Variants in DSCAM observed in about 807,000 individuals in gnomAD.
The protein encoded by DSCAM is DS cell adhesion molecule, also known as cell adhesion molecule DSCAM.
A neutral mutation model predicts 217.7 loss-of-function variants in DSCAM; 47 were observed. That is an observed-to-expected ratio of 0.22 (90% CI 0.17 to 0.28). DSCAM has a LOEUF of 0.28. Ranked by LOEUF, DSCAM falls within the 10% of genes least tolerant of loss-of-function variation. DSCAM has a pLI of 1.00. For synonymous variants in DSCAM, 1,056 were observed against 1,015.3 expected, an observed-to-expected ratio of 1.04 and a Z score of -0.76; for missense variants, 2,080 against 2,618.3, an observed-to-expected ratio of 0.79 and a Z score of 4.49.
At chr21:40,707,857 A>G (rs2090734515) in intron 2 of DSCAM, among the ~76,000 whole-genome samples, 1 of 152,174 alleles carries the variant, frequency 6.6e-6, no homozygotes, top group Non-Finnish European at 1.5e-5. Flanking sequence ...ACTTGTAGCA[A>G]TGGTGATTAA....
intron 4 of DSCAM, 77 bp from the exon 5 acceptor site, chr21:40,353,820 A>G (rs1025641049): frequency 2.3e-6 from 3 of 1,285,262 alleles, no homozygotes; most frequent in Non-Finnish European, 3.1e-6. Flanking sequence ...GACTTCATGT[A>G]TAACTTAAAT....
At chr21:40,416,724 C>T (rs1022231552) in intron 3 of DSCAM, among the ~76,000 whole-genome samples, 8 of 151,714 alleles carry the variant, frequency 5.3e-5, no homozygotes, top group Non-Finnish European at 1.0e-4. Context: ...ATAATAAAAA[C>T]TTTAATAAAA....
Position 40,625,246 on chromosome 21 carries a change from G to A in DSCAM, c.508+67564C>T, listed in dbSNP as rs2089584834. 2.0e-5 allele frequency among the ~76,000 whole-genome samples: 3 copies of A among 151,968 alleles called. No homozygotes were observed. In the South Asian group the frequency reaches 6.2e-4, roughly 32 times the overall value. ...AGTAAGAAACCACAGAGATATACAT[G>A]GAGACTAACTGTCCACATTTTCCAA... On this transcript the variant is annotated intron_variant, in intron 3 of 32. Coordinates refer to ENST00000400454, the MANE Select transcript of DSCAM (RefSeq NM_001389.5).
chr21:40,554,203 T>G (rs563375971), intron 3 of DSCAM, among the ~76,000 whole-genome samples: 16 of 151,982 alleles, frequency 1.1e-4, no homozygotes, highest in Admixed American at 2.6e-4. Flanking sequence ...TTAGTTTTTT[T>G]TTTTTTTTTT....
intron 1 of DSCAM, among the ~76,000 whole-genome samples, chr21:40,805,889 T>C (rs1271898988): frequency 6.6e-6 from 1 of 152,014 alleles, no homozygotes; most frequent in Non-Finnish European, 1.5e-5. Context: ...TTTTATATTT[T>C]AGTAGAGACA....
intron 3 of DSCAM, among the ~76,000 whole-genome samples, chr21:40,450,462 A>T (rs541854973): frequency 4.6e-5 from 7 of 152,218 alleles, no homozygotes; most frequent in Non-Finnish European, 1.0e-4. Context: ...AATGAAAAAA[A>T]ATGTTATTTA....
intron 3 of DSCAM, among the ~76,000 whole-genome samples, chr21:40,633,057 G>T (rs1405951941): frequency 1.3e-5 from 2 of 152,122 alleles, no homozygotes; most frequent in Non-Finnish European, 2.9e-5. Context: ...TACATCCGTT[G>T]TTCCATATTG....
intron 1 of DSCAM, among the ~76,000 whole-genome samples, chr21:40,728,312 T>C (rs549031558): frequency 6.6e-6 from 1 of 152,348 alleles, no homozygotes; most frequent in East Asian, 1.9e-4. Flanking sequence ...TCTCAACAAA[T>C]ATTTAATACT....
intron 3 of DSCAM, among the ~76,000 whole-genome samples, chr21:40,410,226 G>T (rs896940718): frequency 6.6e-6 from 1 of 152,020 alleles, no homozygotes; most frequent in Non-Finnish European, 1.5e-5. Flanking sequence ...AATTATCATT[G>T]GTTGGGATTA....
At chr21:40,098,903 G>T (rs144663852) in intron 20 of DSCAM, among the ~76,000 whole-genome samples, 2 of 152,030 alleles carry the variant, frequency 1.3e-5, no homozygotes, top group Admixed American at 6.5e-5. Context: ...CTCCAGTCAC[G>T]TCTTAGAGTA....
In DSCAM at chr21:40,455,386, G is replaced by A. The variant is rs562944174; in HGVS notation, c.509-86141C>T. Among the ~76,000 whole-genome samples the A allele has an allele frequency of 2.0e-5, 3 of 152,144 alleles. No individual in the cohort carries two copies. The East Asian group carries it at 5.8e-4, about 29-fold the overall frequency. ...ATCAGAATACTTGAAAGAAAAAAAG[G>A]GAATTAAAAAATAAAAAAACTGATT... On this transcript the variant is annotated intron_variant, in intron 3 of 32. Transcript: ENST00000400454.
chr21:40,397,224 C>T (rs2075187135), intron 3 of DSCAM, among the ~76,000 whole-genome samples: 1 of 152,104 alleles, frequency 6.6e-6, no homozygotes, highest in Non-Finnish European at 1.5e-5. Context: ...TGCCAAATCT[C>T]ATGTTGAGAT....
At chr21:40,166,163 AAAAC>A (rs953103064) in intron 16 of DSCAM, among the ~76,000 whole-genome samples, 42 of 152,302 alleles carry the variant, frequency 2.8e-4, no homozygotes, top group African/African-American at 9.6e-4. Context: ...TACTAGAAGG[AAAAC>A]AAACAAACAA....
At chr21:40,249,862 A>G (rs2073278546) in intron 11 of DSCAM, among the ~76,000 whole-genome samples, 1 of 152,182 alleles carries the variant, frequency 6.6e-6, no homozygotes. Context: ...TTAGGTGTGT[A>G]GCCCCAGCCC....
intron 3 of DSCAM, among the ~76,000 whole-genome samples, chr21:40,464,320 A>C (rs1310101696): frequency 6.6e-6 from 1 of 152,212 alleles, no homozygotes; most frequent in African/African-American, 2.4e-5. Context: ...GATTGACAAG[A>C]AACAATAAAC....
intron 3 of DSCAM, among the ~76,000 whole-genome samples, chr21:40,432,652 A>G (rs2075545807): frequency 6.6e-6 from 1 of 152,242 alleles, no homozygotes; most frequent in Non-Finnish European, 1.5e-5. Context: ...ATCTTGCCCT[A>G]AAATAGATGC....
At chr21:40,175,740 C>G (rs1470555561) in intron 15 of DSCAM, among the ~76,000 whole-genome samples, 1 of 150,670 alleles carries the variant, frequency 6.6e-6, no homozygotes, top group Non-Finnish European at 1.5e-5. Context: ...CAGAATTTCA[C>G]TGTGGGTTTA....
chr21:40,087,478 A>T (rs1443169106), intron 21 of DSCAM, among the ~76,000 whole-genome samples, 191 bp from the exon 22 acceptor site: 1 of 152,210 alleles, frequency 6.6e-6, no homozygotes, highest in Non-Finnish European at 1.5e-5. Flanking sequence ...ACTAGCAGAA[A>T]ATTCCCATTG....
intron 6 of DSCAM, among the ~76,000 whole-genome samples, chr21:40,345,870 C>G (rs148005178): frequency 1.3e-5 from 2 of 152,164 alleles, no homozygotes; most frequent in Non-Finnish European, 2.9e-5. Flanking sequence ...AGCTGACATG[C>G]GACAAATAAA....
Sources: allele counts gnomAD v4.1 joint callset (sites outside exome capture counted in the v4.1 genomes callset), GRCh38; gene constraint gnomAD v4.1.1; transcripts MANE v1.5; gene names NCBI Gene and HGNC (gene_info 2026-07-23, HGNC 2026-07-21).